Variants in ADCK1 observed in about 807,000 individuals in gnomAD.
The protein encoded by ADCK1 is aarF domain-containing protein kinase 1.
Under a neutral mutation model 52.3 loss-of-function variants are expected in ADCK1, and 41 were observed. That is an observed-to-expected ratio of 0.78 (90% CI 0.61 to 1.02). ADCK1 has a LOEUF of 1.02. Among genes scored for constraint, ADCK1 ranks in the 50% least tolerant of loss-of-function variants. The probability of loss-of-function intolerance (pLI) is 0.00; values close to 1 mark genes in which losing one functional copy is unlikely to be tolerated. For synonymous variants in ADCK1, 250 were observed against 274.6 expected, an observed-to-expected ratio of 0.91 and a Z score of 0.89; for missense variants, 658 against 679.5, an observed-to-expected ratio of 0.97 and a Z score of 0.35.
chr14:77,932,393 A>G (rs2084362731), intron 10 of ADCK1, among the ~76,000 whole-genome samples: 1 of 152,168 alleles, frequency 6.6e-6, no homozygotes, highest in Non-Finnish European at 1.5e-5. Flanking sequence ...ATTAATGAGG[A>G]AGAGAAGTGT....
At chr14:77,911,321 G>A (rs906584400) in intron 7 of ADCK1, among the ~76,000 whole-genome samples, 1 of 152,146 alleles carries the variant, frequency 6.6e-6, no homozygotes, top group Non-Finnish European at 1.5e-5. Flanking sequence ...CTATAGGTTG[G>A]TGCAAAGGTA....
In ADCK1 at chr14:77,925,876, A is replaced by G. The variant is rs780682194; in HGVS notation, c.1121A>G (p.Tyr374Cys). The G allele has an allele frequency of 6.2e-7, 1 of 1,613,918 alleles. No individual in the cohort carries two copies. Among genetic ancestry groups the G allele is most frequent in the East Asian group, 2.2e-5 (1 of 44,862 alleles). The change falls in exon 9 of 11, where the codon TAC becomes TGC. Residue 374 changes from tyrosine to cysteine, a missense_variant. Physicochemically the swap from Tyr to Cys is radical, Grantham distance 194 (BLOSUM62 -2). Coordinates refer to ENST00000238561, the MANE Select transcript of ADCK1 (RefSeq NM_020421.4). ...CAGCGACTGGGAGCCGGGGATCTCTACCCCTTGTTTGCCTGCATGCTGACG... is the reference window on the plus strand; with the variant it reads ...CAGCGACTGGGAGCCGGGGATCTCTGCCCCTTGTTTGCCTGCATGCTGACG... ...YSQRLGAGDL[Y>C]PLFACMLTAR...
Position 77,925,806 on chromosome 14 carries a change from C to A in ADCK1, c.1051C>A (p.Gln351Lys). ...EFRLNYCHLW[Q>K]SLIWTDMKRV... The stretch of plus-strand genomic sequence containing the variant: ...CCGCCTGAATTACTGCCACCTCTGG[C>A]AGTCTCTGATCTGGACTGACATGAA... The change falls in exon 9 of 11, where the codon CAG (glutamine) becomes AAG (lysine). Residue 351 changes from glutamine to lysine, a missense_variant. By Grantham distance (53) the Gln-to-Lys change is moderately conservative (BLOSUM62 1). Coordinates refer to ENST00000238561, the MANE Select transcript of ADCK1 (RefSeq NM_020421.4). 1 of 1,614,222 alleles carries A rather than the reference C, an allele frequency of 6.2e-7. No homozygotes were observed. The highest frequency in any genetic ancestry group is 8.5e-7 in the Non-Finnish European group (1 of 1,180,018).
At chr14:77,921,557 A>T (rs1000571718) in intron 7 of ADCK1, among the ~76,000 whole-genome samples, 30 of 152,122 alleles carry the variant, frequency 2.0e-4, no homozygotes, top group Admixed American at 1.8e-3. Context: ...CAGATCTCCC[A>T]TGCCCAGAGT....
At chr14:77,818,649 T>C (rs2081514825) in intron 1 of ADCK1, among the ~76,000 whole-genome samples, 2 of 152,172 alleles carry the variant, frequency 1.3e-5, no homozygotes. Flanking sequence ...CTGTGTAAGC[T>C]CCAAGTGGGC....
At chr14:77,866,435 A>G (rs1277559687) in intron 4 of ADCK1, among the ~76,000 whole-genome samples, 1 of 152,138 alleles carries the variant, frequency 6.6e-6, no homozygotes, top group Non-Finnish European at 1.5e-5. Context: ...CGCTACTTTT[A>G]GAAATCCCCA....
At chr14:77,821,665 G>A (rs1478642004) in intron 2 of ADCK1, among the ~76,000 whole-genome samples, 1 of 152,070 alleles carries the variant, frequency 6.6e-6, no homozygotes, top group Non-Finnish European at 1.5e-5. Context: ...AGGATCGCCT[G>A]AGGTCAGGAG....
chr14:77,815,604 C>T (rs1333358505), intron 1 of ADCK1, among the ~76,000 whole-genome samples: 2 of 151,096 alleles, frequency 1.3e-5, no homozygotes, highest in Non-Finnish European at 2.9e-5. Flanking sequence ...ACTGCAACCT[C>T]CGCCTCCTGG....
At chr14:77,863,942 G>A (rs2082607163) in intron 4 of ADCK1, among the ~76,000 whole-genome samples, 1 of 152,062 alleles carries the variant, frequency 6.6e-6, no homozygotes, top group Non-Finnish European at 1.5e-5. Context: ...AAGGAAATGA[G>A]GCCAGCTGCT....
At chr14:77,838,898 G>T (rs1264250382) in intron 3 of ADCK1, among the ~76,000 whole-genome samples, 1 of 152,170 alleles carries the variant, frequency 6.6e-6, no homozygotes, top group Non-Finnish European at 1.5e-5. Context: ...GTGTACAATG[G>T]TCTGTTCTTG....
chr14:77,861,455 C>T (rs938073165), intron 4 of ADCK1, among the ~76,000 whole-genome samples: 3 of 151,836 alleles, frequency 2.0e-5, no homozygotes, highest in African/African-American at 7.3e-5. Context: ...CATTTCCAGC[C>T]TCCTCCAGCC....
At chr14:77,873,480 CATGTAACCGGGCAGTGTAGCCTG>C (rs1202816806) in intron 4 of ADCK1, among the ~76,000 whole-genome samples, 3 of 152,174 alleles carry the variant, frequency 2.0e-5, no homozygotes, top group Non-Finnish European at 2.9e-5. Context: ...TGTGTGCCTG[CATGTAACCGGGCAGTGTAGCCTG>C]ACCCCAGGTG....
At chr14:77,883,297 A>C (rs1189387000) in intron 4 of ADCK1, among the ~76,000 whole-genome samples, 1 of 150,630 alleles carries the variant, frequency 6.6e-6, no homozygotes, top group Non-Finnish European at 1.5e-5. Context: ...CCCTGCTTGA[A>C]TCTAATTGCT....
chr14:77,922,659 A>C (rs2084089667), intron 7 of ADCK1, among the ~76,000 whole-genome samples: 2 of 152,208 alleles, frequency 1.3e-5, no homozygotes, highest in Non-Finnish European at 2.9e-5. Flanking sequence ...GCCAGCGTAG[A>C]ATAGCAGTTA....
At chr14:77,901,690 G>A (rs911442478) in intron 6 of ADCK1, among the ~76,000 whole-genome samples, 7 of 152,196 alleles carry the variant, frequency 4.6e-5, no homozygotes, top group Non-Finnish European at 7.4e-5. Context: ...GCGGCCGGCC[G>A]GAGCTGGTCT....
intron 3 of ADCK1, among the ~76,000 whole-genome samples, chr14:77,852,883 G>GTGTA (rs1555351667): frequency 1.1e-4 from 2 of 18,520 alleles, no homozygotes; most frequent in Non-Finnish European, 2.0e-4. Context: ...TTTTATGTGT[G>GTGTA]TATATATATA....
At chr14:77,873,668 G>T (rs1018096723) in intron 4 of ADCK1, among the ~76,000 whole-genome samples, 6 of 152,180 alleles carry the variant, frequency 3.9e-5, no homozygotes, top group African/African-American at 1.4e-4. Flanking sequence ...TTGTGATAGT[G>T]AGTTAGTTCT....
At chr14:77,868,767 T>C (rs1440703093) in intron 4 of ADCK1, among the ~76,000 whole-genome samples, 2 of 152,182 alleles carry the variant, frequency 1.3e-5, no homozygotes, top group Admixed American at 6.5e-5. Flanking sequence ...CACCACTTGT[T>C]GGTTTGCTTA....
In ADCK1 at chr14:77,924,256, G is replaced by T; in HGVS notation, c.859-201G>T. ...CCTTGTACCGCCCACATGGTTTCATGATTCTAAGGTGCAGCTAAAGTTAAG... is the reference window on the plus strand; with the variant it reads ...CCTTGTACCGCCCACATGGTTTCATTATTCTAAGGTGCAGCTAAAGTTAAG... On this transcript the variant is annotated intron_variant, in intron 7 of 10. Transcript: ENST00000238561. 2 of 640,768 alleles carry T rather than the reference G, an allele frequency of 3.1e-6. No individual in the cohort carries two copies. The highest frequency in any genetic ancestry group is 2.2e-5 in the South Asian group (1 of 46,266). The allele number at this position is 640,768 out of a possible 1,614,324, so 39.7% of individuals were successfully genotyped here.
Sources: gnomAD v4.1 joint callset for allele counts (sites outside exome capture counted in the v4.1 genomes callset) on GRCh38, gnomAD v4.1.1 for gene constraint, MANE v1.5 for transcripts, NCBI Gene and HGNC (gene_info 2026-07-23, HGNC 2026-07-21) for gene names.